The following SHISAL1 variants were observed in gnomAD, a reference collection of about 807,000 sequenced individuals.
The protein encoded by SHISAL1 is protein shisa-like-1.
In SHISAL1, 9 loss-of-function variants were observed where a neutral mutation model predicts 22.6. The observed-to-expected ratio is 0.40, with a 90% CI of 0.24 to 0.70. The LOEUF is 0.70. Ranked by LOEUF, SHISAL1 falls within the 30% of genes least tolerant of loss-of-function variation. SHISAL1 has a pLI of 0.39. For missense variants in SHISAL1, 246 were observed against 270.6 expected, an observed-to-expected ratio of 0.91 and a Z score of 0.64; for synonymous variants, 119 against 115.4, an observed-to-expected ratio of 1.03 and a Z score of -0.20.
the SHISAL1 span, among the ~76,000 whole-genome samples, chr22:44,328,643 C>T: frequency 1.3e-5 from 2 of 152,124 alleles, no homozygotes; most frequent in East Asian, 1.9e-4. Context: ...CTGGAGAGGG[C>T]TTGGCCAATT....
At chr22:44,298,457 G>A (rs531754686) in intron 2 of SHISAL1, among the ~76,000 whole-genome samples, 83 of 151,838 alleles carry the variant, frequency 5.5e-4, no homozygotes, top group Non-Finnish European at 8.7e-4. Context: ...AGGGGATGCT[G>A]ATGGGCTTGG....
the SHISAL1 span, among the ~76,000 whole-genome samples, chr22:44,320,207 G>C: frequency 6.6e-6 from 1 of 152,200 alleles, no homozygotes; most frequent in Admixed American, 6.5e-5. Context: ...CAGTGTGGGA[G>C]AGAGGGACAG....
At chr22:44,262,720 C>T (rs981132523) in intron 4 of SHISAL1, among the ~76,000 whole-genome samples, 2 of 152,204 alleles carry the variant, frequency 1.3e-5, no homozygotes, top group African/African-American at 4.8e-5. Flanking sequence ...GCCCTGCTGG[C>T]CCTAGTGGCC....
intron 4 of SHISAL1, among the ~76,000 whole-genome samples, chr22:44,254,760 G>T (rs1446545515): frequency 8.0e-6 from 1 of 125,482 alleles, no homozygotes; most frequent in Non-Finnish European, 1.7e-5. Flanking sequence ...GTGACAGCTT[G>T]GGAGGAATCT....
chr22:44,298,411 G>A (rs533635999), intron 2 of SHISAL1, among the ~76,000 whole-genome samples: 8 of 152,204 alleles, frequency 5.3e-5, no homozygotes, highest in South Asian at 2.1e-4. Flanking sequence ...CAGAAGCTCC[G>A]GGGTAGGCCC....
intron 4 of SHISAL1, among the ~76,000 whole-genome samples, chr22:44,284,665 G>T (rs544283238): frequency 8.0e-4 from 122 of 152,152 alleles, no homozygotes; most frequent in Admixed American, 2.9e-3. Context: ...TGTCCTTGGT[G>T]CTAGCCAGCC....
intron 4 of SHISAL1, among the ~76,000 whole-genome samples, chr22:44,277,201 G>C (rs113527361): frequency 6.6e-6 from 1 of 152,196 alleles, no homozygotes; most frequent in Admixed American, 6.5e-5. Context: ...GAAGGCTCAC[G>C]GACGCGATGC....
intron 4 of SHISAL1, among the ~76,000 whole-genome samples, chr22:44,253,467 C>T (rs192561685): frequency 6.4e-4 from 91 of 143,114 alleles, no homozygotes; most frequent in Admixed American, 6.5e-4. Flanking sequence ...GTCACTCTGT[C>T]GCCCAGGCTG....
rs374483799 is a variant in SHISAL1 at position 44,260,077 on chromosome 22, G to A, written c.*-10392C>T. ...CACCACGGCGCCCTCCAGACTACCC[G>A]ACTGAGAAGACATACAAGCAAGTCA... is the stretch of plus-strand genomic sequence containing the variant. On this transcript the variant is annotated intron_variant, in intron 4 of 4. Coordinates refer to ENST00000381176, the MANE Select transcript of SHISAL1 (RefSeq NM_001099294.2). Among the ~76,000 whole-genome samples, 223 of 152,112 alleles carry A rather than the reference G, an allele frequency of 1.5e-3. 6 individuals are homozygous for A. In the South Asian group the frequency reaches 0.045, roughly 31 times the overall value.
At chr22:44,316,460 T>G (rs2147316601), upstream of SHISAL1, among the ~76,000 whole-genome samples, 1 of 152,294 alleles carries the variant, frequency 6.6e-6, no homozygotes, top group Admixed American at 6.5e-5. Context: ...CAGGGTGTTC[T>G]GATGCCCACT....
At chr22:44,307,136 C>T (rs1474552913) in intron 1 of SHISAL1, among the ~76,000 whole-genome samples, 3 of 152,124 alleles carry the variant, frequency 2.0e-5, no homozygotes. Flanking sequence ...GAAGGGCGTC[C>T]GCCGTCCTCC....
At chr22:44,286,927 G>A (rs567579861) in intron 3 of SHISAL1, among the ~76,000 whole-genome samples, 9 of 152,362 alleles carry the variant, frequency 5.9e-5, no homozygotes, top group African/African-American at 7.2e-5. Flanking sequence ...GTGGGTGTGC[G>A]CTTCTGGTGT....
intron 4 of SHISAL1, among the ~76,000 whole-genome samples, chr22:44,274,603 C>T (rs982486595): frequency 6.6e-6 from 1 of 152,142 alleles, no homozygotes; most frequent in Non-Finnish European, 1.5e-5. Context: ...GAATCCCACA[C>T]ATGGAATCTG....
intron 4 of SHISAL1, among the ~76,000 whole-genome samples, chr22:44,254,930 A>G (rs2055073973): frequency 6.6e-6 from 1 of 152,180 alleles, no homozygotes; most frequent in African/African-American, 2.4e-5. Context: ...CAGGGTCACC[A>G]AAGACCTCTC....
chr22:44,299,016 T>C (rs1020109421), intron 2 of SHISAL1, among the ~76,000 whole-genome samples: 1 of 152,146 alleles, frequency 6.6e-6, no homozygotes, highest in Non-Finnish European at 1.5e-5. Flanking sequence ...CTCCCCTCAC[T>C]GATGAAAGAC....
At chr22:44,266,435 T>G (rs2055161950) in intron 4 of SHISAL1, among the ~76,000 whole-genome samples, 1 of 105,570 alleles carries the variant, frequency 9.5e-6, no homozygotes, top group Non-Finnish European at 1.8e-5. Context: ...GTGTGTGTGT[T>G]GGGGGGTTGT....
At chr22:44,282,914 C>T (rs1007038389) in intron 4 of SHISAL1, among the ~76,000 whole-genome samples, 1 of 152,166 alleles carries the variant, frequency 6.6e-6, no homozygotes, top group African/African-American at 2.4e-5. Context: ...GAGGCTGGGC[C>T]ACCCGGGGAC....
intron 3 of SHISAL1, among the ~76,000 whole-genome samples, chr22:44,286,492 A>T (rs1030888439): frequency 6.6e-6 from 1 of 152,126 alleles, no homozygotes; most frequent in Admixed American, 6.5e-5. Flanking sequence ...TCCACTGCAG[A>T]CAGGGTCTGC....
chr22:44,253,565 A>G (rs2055064059), intron 4 of SHISAL1, among the ~76,000 whole-genome samples: 1 of 150,922 alleles, frequency 6.6e-6, no homozygotes, highest in Non-Finnish European at 1.5e-5. Context: ...AGTAGCTGGG[A>G]TAACAGGTGC....
Sources: gnomAD v4.1 joint callset for allele counts (sites outside exome capture counted in the v4.1 genomes callset) on GRCh38, gnomAD v4.1.1 for gene constraint, MANE v1.5 for transcripts, NCBI Gene and HGNC (gene_info 2026-07-23, HGNC 2026-07-21) for gene names.